The following SCAI variants were observed in gnomAD, a reference collection of about 807,000 sequenced individuals.
SCAI encodes suppressor of cancer cell invasion, also known as protein SCAI.
A neutral mutation model predicts 92.2 loss-of-function variants in SCAI; 24 were observed. The ratio of observed to expected loss-of-function variants is 0.26; its 90% CI spans 0.19 to 0.37. The LOEUF (loss-of-function observed/expected upper bound fraction) is 0.37, where lower values mean the gene tolerates loss of function less well. SCAI is among the 10% of genes least tolerant of loss of function. SCAI has a pLI of 1.00. For missense variants in SCAI, 450 were observed against 736.2 expected (o/e 0.61, Z 4.50); for synonymous variants, 261 against 258.6 (o/e 1.01, Z -0.09).
intron 2 of SCAI, among the ~76,000 whole-genome samples, chr9:125,100,338 T>C (rs544108342): frequency 6.6e-6 from 1 of 152,218 alleles, no homozygotes; most frequent in Admixed American, 6.5e-5. Context: ...GCTGAGAGCT[T>C]TACACAGATT....
chr9:125,067,147 G>A (rs1833889253), intron 2 of SCAI, among the ~76,000 whole-genome samples: 1 of 152,156 alleles, frequency 6.6e-6, no homozygotes, highest in Non-Finnish European at 1.5e-5. Flanking sequence ...GGAAGCACAT[G>A]GGTAAACATA....
chr9:125,002,488 G>GTTTTTTTTTTTTTTTTTTTTTTTT lies in SCAI; in HGVS notation c.1066-446_1066-445insAAAAAAAAAAAAAAAAAAAAAAAA, dbSNP rs58586769. ...ACACTCTGCTTTTGTTTTTTAGTCT[G>GTTTTTTTTTTTTTTTTTTTTTTTT]TTTTTTTTTTTGAAACAGAGTTTCA... On this transcript the variant is annotated intron_variant, in intron 11 of 17. Coordinates refer to ENST00000336505, the MANE Select transcript of SCAI (RefSeq NM_001144877.3). Among the ~76,000 whole-genome samples, 6 of 125,106 alleles carry GTTTTTTTTTTTTTTTTTTTTTTTT rather than the reference G, an allele frequency of 4.8e-5. 1 individual carries two copies. Among genetic ancestry groups the GTTTTTTTTTTTTTTTTTTTTTTTT allele is most frequent in the African/African-American group, 1.9e-4 (6 of 31,624 alleles). The allele number at this position is 125,106 out of a possible 152,430, so 82.1% of individuals were successfully genotyped here. A position where few individuals can be genotyped will look rare whatever the true frequency, so the allele number is the denominator to read the frequency against.
intron 10 of SCAI, 58 bp from the exon 11 acceptor site, chr9:125,003,273 C>A: frequency 7.5e-7 from 1 of 1,335,592 alleles, no homozygotes; most frequent in South Asian, 1.2e-5. Context: ...AATGAATTAT[C>A]AATATCTATT....
chr9:125,015,978 A>C (rs1437061105), intron 9 of SCAI, among the ~76,000 whole-genome samples: 2 of 141,888 alleles, frequency 1.4e-5, no homozygotes, highest in East Asian at 4.2e-4. Flanking sequence ...GGAACTGAAC[A>C]ATGAGAACAC....
intron 2 of SCAI, among the ~76,000 whole-genome samples, chr9:125,059,071 C>T (rs1176924066): frequency 6.6e-6 from 1 of 152,198 alleles, no homozygotes; most frequent in Non-Finnish European, 1.5e-5. Flanking sequence ...ATAAACTACA[C>T]ATTACTTCCA....
rs1168643448 is a variant in SCAI, at chr9:125,106,096, CAAAAAAAA to C, written c.98+36529_98+36536del. 1.2e-3 allele frequency among the ~76,000 whole-genome samples: 23 copies of C among 18,760 alleles called. 1 individual carries two copies. The highest frequency in any genetic ancestry group is 1.4e-3 in the Admixed American group (1 of 726). 12.3% of individuals were successfully genotyped at this position (18,760 alleles called of 152,430 possible). ...TGCGTGACAGAGTGAGACTCCATCT[CAAAAAAAA>C]AAAAAAAAAAAAAAAAAAATATATA... is the stretch of plus-strand genomic sequence containing the variant. On this transcript the variant is annotated intron_variant, in intron 2 of 17. Coordinates refer to ENST00000336505, the MANE Select transcript of SCAI (RefSeq NM_001144877.3).
intron 14 of SCAI, among the ~76,000 whole-genome samples, chr9:124,976,512 A>T (rs1831758403): frequency 6.6e-6 from 1 of 152,238 alleles, no homozygotes; most frequent in Non-Finnish European, 1.5e-5. Context: ...ACACACTTAT[A>T]TATATAAAGG....
At chr9:125,070,714 T>C (rs1833965325) in intron 2 of SCAI, among the ~76,000 whole-genome samples, 1 of 152,132 alleles carries the variant, frequency 6.6e-6, no homozygotes, top group Non-Finnish European at 1.5e-5. Flanking sequence ...AATCTTTTTG[T>C]CTTATTCCAA....
chr9:125,116,919 A>G (rs759116165), intron 2 of SCAI, among the ~76,000 whole-genome samples: 1 of 152,192 alleles, frequency 6.6e-6, no homozygotes, highest in Admixed American at 6.5e-5. Flanking sequence ...TTCACTTATC[A>G]TATTTATTCT....
chr9:125,084,158 C>CCTTTTTTTTTTTTTTTTTTTTTTTTTT (rs1224570781), intron 2 of SCAI, among the ~76,000 whole-genome samples: 1 of 65,116 alleles, frequency 1.5e-5, no homozygotes, highest in African/African-American at 6.6e-5. Flanking sequence ...TTGGCTGCTG[C>CCTTTTTTTTTTTTTTTTTTTTTTTTTT]TTTTTTTTTT....
chr9:124,950,517 C>A lies in SCAI; in HGVS notation c.*2290G>T, dbSNP rs1831217921. ...AAACTCTGTGTTGGTAGGAGCATAA[C>A]TGGCACAGGACTTAAGGGGAATTGA... On this transcript the variant is annotated 3_prime_UTR_variant, in exon 18 of 18. Coordinates refer to ENST00000336505, the MANE Select transcript of SCAI (RefSeq NM_001144877.3). 1 of 152,060 alleles carries A rather than the reference C, an allele frequency of 6.6e-6. No individual in the cohort carries two copies. The highest frequency in any genetic ancestry group is 2.4e-5 in the African/African-American group (1 of 41,380). 9.4% of individuals were successfully genotyped at this position (152,060 alleles called of 1,614,324 possible). A position where few individuals can be genotyped will look rare whatever the true frequency, so the allele number is the denominator to read the frequency against.
chr9:124,977,580 G>T (rs1473160605), intron 14 of SCAI, among the ~76,000 whole-genome samples: 1 of 152,128 alleles, frequency 6.6e-6, no homozygotes, highest in African/African-American at 2.4e-5. Flanking sequence ...AGGCTGAGGT[G>T]GTAGGATCAC....
At chr9:125,098,272 G>T (rs570908730) in intron 2 of SCAI, among the ~76,000 whole-genome samples, 3 of 151,948 alleles carry the variant, frequency 2.0e-5, no homozygotes, top group Non-Finnish European at 4.4e-5. Flanking sequence ...GTCCAGGCCA[G>T]TCTCAAACTC....
At chr9:125,036,005 G>T (rs1404260357) in intron 3 of SCAI, among the ~76,000 whole-genome samples, 1 of 152,096 alleles carries the variant, frequency 6.6e-6, no homozygotes, top group Non-Finnish European at 1.5e-5. Context: ...ACTTTAAAAA[G>T]AAATTAGCCA....
chr9:125,097,752 A>G (rs1291015565), intron 2 of SCAI, among the ~76,000 whole-genome samples: 1 of 151,682 alleles, frequency 6.6e-6, no homozygotes, highest in Admixed American at 6.6e-5. Context: ...TGCATTCTGG[A>G]TATTTCAGAA....
At chr9:125,095,485 T>C (rs1834527568) in intron 2 of SCAI, among the ~76,000 whole-genome samples, 1 of 152,252 alleles carries the variant, frequency 6.6e-6, no homozygotes, top group African/African-American at 2.4e-5. Context: ...CTATAATAGA[T>C]AGTCCTACAA....
chr9:125,054,440 C>G (rs981453252), intron 3 of SCAI, among the ~76,000 whole-genome samples: 2 of 151,208 alleles, frequency 1.3e-5, no homozygotes, highest in Non-Finnish European at 2.9e-5. Flanking sequence ...AGGGCAGGGA[C>G]TGTTAGCTTT....
chr9:125,126,753 A>G (rs1411541714), intron 2 of SCAI, among the ~76,000 whole-genome samples: 1 of 152,226 alleles, frequency 6.6e-6, no homozygotes, highest in East Asian at 1.9e-4. Context: ...TCTTTTAAAG[A>G]AGGGAAAATC....
chr9:124,970,853 C>A (rs766743882), intron 17 of SCAI, among the ~76,000 whole-genome samples: 8 of 151,910 alleles, frequency 5.3e-5, no homozygotes, highest in African/African-American at 1.9e-4. Context: ...TCGTTCTTGT[C>A]GTCCAGGCTG....
Sources: gnomAD v4.1 joint callset for allele counts (sites outside exome capture counted in the v4.1 genomes callset) on GRCh38, gnomAD v4.1.1 for gene constraint, MANE v1.5 for transcripts, NCBI Gene and HGNC (gene_info 2026-07-23, HGNC 2026-07-21) for gene names.